Variants in ADRA1A observed in about 807,000 individuals in gnomAD.
ADRA1A encodes the protein alpha-1A adrenergic receptor.
ADRA1A carries 31 observed loss-of-function variants against 29.6 expected under a neutral mutation model. The ratio of observed to expected loss-of-function variants is 1.05; its 90% CI spans 0.79 to 1.41. The LOEUF is 1.41. Ranked by LOEUF, ADRA1A falls within the 40% of genes most tolerant of loss-of-function variation. The pLI is 0.00. For synonymous variants in ADRA1A, 311 were observed against 254.3 expected (o/e 1.22, Z -2.12); for missense variants, 619 against 601.1 (o/e 1.03, Z -0.31).
downstream of ADRA1A, among the ~76,000 whole-genome samples, chr8:26,751,613 T>C (rs2130147124): frequency 6.6e-6 from 1 of 152,342 alleles, no homozygotes; most frequent in Admixed American, 6.5e-5. Flanking sequence ...AGGATTGTAA[T>C]ACTGCCACAC....
rs3730287 is a variant in ADRA1A at position 26,864,231 on chromosome 8, C to G, written c.739G>C (p.Gly247Arg). ...GTCTTGGTCTTGGCGCTGGCCATCC[C>G]GCTGCCTCCTGCCGGGGCGTTTTTC... ...HRKNAPAGGS[G>R]MASAKTKTHF... The change falls in exon 2 of 3, where the codon GGG (glycine) becomes CGG (arginine). Residue 247 changes from glycine to arginine, a missense_variant. Transcript: ENST00000380573. This position sits in a 1 kb window ranked among gnomAD's most constrained non-coding sequence, Gnocchi z 8.1. 3 of 1,614,080 alleles carry G rather than the reference C, an allele frequency of 1.9e-6. No individual in the cohort carries two copies. The highest frequency in any genetic ancestry group is 1.3e-5 in the African/African-American group (1 of 74,934).
At chr8:26,799,057 C>T (rs746178477) in intron 2 of ADRA1A, among the ~76,000 whole-genome samples, 5 of 151,920 alleles carry the variant, frequency 3.3e-5, no homozygotes, top group Admixed American at 2.0e-4. Context: ...AAAAAAGCCC[C>T]GGATGTTGTC....
At chr8:26,845,473 C>T (rs1350903843) in intron 2 of ADRA1A, among the ~76,000 whole-genome samples, 1 of 152,164 alleles carries the variant, frequency 6.6e-6, no homozygotes, top group Non-Finnish European at 1.5e-5. Flanking sequence ...AGCCCTCAAA[C>T]ATTGCTGGTG....
At chr8:26,859,217 T>A in intron 2 of ADRA1A, 1 of 1,265,570 alleles carries the variant, frequency 7.9e-7, no homozygotes, top group Non-Finnish European at 1.0e-6. Context: ...TTGAATATAA[T>A]AATATGATAG....
rs1808926319 is a variant in ADRA1A, at chr8:26,805,768, G to A, written c.884-35102C>T. 6.6e-6 allele frequency among the ~76,000 whole-genome samples: 1 copy of A among 152,162 alleles called. No homozygotes were observed. Among genetic ancestry groups the A allele is most frequent in the Non-Finnish European group, 1.5e-5 (1 of 68,034 alleles). The stretch of plus-strand genomic sequence containing the variant: ...TGGTACAAGAATCTTGATGAGCCAA[G>A]AGTTACTGGAACTTCAGTAAGCTCA... On this transcript the variant is annotated intron_variant, in intron 2 of 2. Transcript: ENST00000380573. This position sits in a 1 kb window ranked among gnomAD's most constrained non-coding sequence, Gnocchi z 4.8.
chr8:26,794,120 T>G (rs895604110), intron 2 of ADRA1A, among the ~76,000 whole-genome samples: 5 of 152,040 alleles, frequency 3.3e-5, no homozygotes, highest in African/African-American at 1.2e-4. Context: ...GGGCAGGAAG[T>G]GGCAAACTTT....
intron 2 of ADRA1A, among the ~76,000 whole-genome samples, chr8:26,780,246 G>T (rs1806861406): frequency 6.6e-6 from 1 of 150,538 alleles, no homozygotes; most frequent in Admixed American, 6.7e-5. Context: ...GAATGGTCAG[G>T]AACATGCAAA....
chr8:26,779,121 C>T, intron 2 of ADRA1A: 1 of 517,920 alleles, frequency 1.9e-6, no homozygotes, highest in Admixed American at 3.6e-5. Flanking sequence ...CTTTGATTGT[C>T]TCATCCTCCA....
chr8:26,851,208 G>A (rs751531979), intron 2 of ADRA1A, among the ~76,000 whole-genome samples: 4 of 152,158 alleles, frequency 2.6e-5, no homozygotes, highest in Non-Finnish European at 4.4e-5. Context: ...TAAAGAGAAG[G>A]GAAAAGAAGA....
At chr8:26,782,477 C>T (rs999109362) in intron 2 of ADRA1A, among the ~76,000 whole-genome samples, 31 of 152,132 alleles carry the variant, frequency 2.0e-4, no homozygotes, top group African/African-American at 7.5e-4. Context: ...GAGTATGGTA[C>T]TGTTTTGATT....
chr8:26,833,312 C>T (rs1372099979), intron 2 of ADRA1A, among the ~76,000 whole-genome samples: 1 of 152,158 alleles, frequency 6.6e-6, no homozygotes, highest in Non-Finnish European at 1.5e-5. Flanking sequence ...ATCGTCTTAG[C>T]TCCTGAGAAC....
intron 2 of ADRA1A, chr8:26,859,117 GT>G: frequency 7.8e-7 from 1 of 1,289,864 alleles, no homozygotes; most frequent in Non-Finnish European, 1.0e-6. Context: ...CCTGGTTTCA[GT>G]TTTTAATCTC....
chr8:26,793,398 T>A (rs1201594070), intron 2 of ADRA1A, among the ~76,000 whole-genome samples: 1 of 151,982 alleles, frequency 6.6e-6, no homozygotes, highest in Non-Finnish European at 1.5e-5. Flanking sequence ...CTTAGATGGT[T>A]ATATTTAAAC....
chr8:26,797,201 AC>A (rs1281032925), intron 2 of ADRA1A, among the ~76,000 whole-genome samples: 1 of 152,054 alleles, frequency 6.6e-6, no homozygotes, highest in Non-Finnish European at 1.5e-5. Flanking sequence ...GAACAATATT[AC>A]CCCCTCACTG....
At chr8:26,861,309 T>TG (rs1429900957) in intron 2 of ADRA1A, among the ~76,000 whole-genome samples, 1 of 148,512 alleles carries the variant, frequency 6.7e-6, no homozygotes, top group Non-Finnish European at 1.5e-5. Flanking sequence ...CTCTGTTTTT[T>TG]TTTTTTTTTT....
intron 2 of ADRA1A, among the ~76,000 whole-genome samples, chr8:26,777,544 C>A (rs147253334): frequency 6.6e-6 from 1 of 152,140 alleles, no homozygotes; most frequent in South Asian, 2.1e-4. Flanking sequence ...GGAAGGACTT[C>A]GCTAGTCTTT....
At chr8:26,791,120 T>C (rs1279097704) in intron 2 of ADRA1A, among the ~76,000 whole-genome samples, 3 of 152,224 alleles carry the variant, frequency 2.0e-5, no homozygotes. Context: ...CTTTATGTAA[T>C]ATGTCATGAA....
At chr8:26,759,432 C>T (rs1805381744) in intron 2 of ADRA1A, among the ~76,000 whole-genome samples, 2 of 152,064 alleles carry the variant, frequency 1.3e-5, no homozygotes, top group South Asian at 2.1e-4. Context: ...ATTTGTAATG[C>T]TTGCTTTGAT....
At chr8:26,767,056 G>T (rs572157063), downstream of ADRA1A, among the ~76,000 whole-genome samples, 2 of 152,122 alleles carry the variant, frequency 1.3e-5, no homozygotes, top group Non-Finnish European at 2.9e-5. Context: ...ATAATCTGGG[G>T]AAATTTTTGA....
Sources: gnomAD v4.1 joint callset for allele counts (sites outside exome capture counted in the v4.1 genomes callset) on GRCh38, gnomAD v4.1.1 for gene constraint, Gnocchi (gnomAD v3.1) non-coding constraint, MANE v1.5 for transcripts, NCBI Gene and HGNC (gene_info 2026-07-23, HGNC 2026-07-21) for gene names.